The following CCN3 variants were observed in gnomAD, a reference collection of about 807,000 sequenced individuals.
CCN3 encodes the protein cellular communication network factor 3.
CCN3 carries 20 observed loss-of-function variants against 33.4 expected under a neutral mutation model. That is an observed-to-expected ratio of 0.60 (90% CI 0.42 to 0.87). The LOEUF is 0.87. Ranked by LOEUF, CCN3 falls within the 40% of genes least tolerant of loss-of-function variation. The pLI, the probability that CCN3 is intolerant of heterozygous loss-of-function variation, is 0.00. For synonymous variants in CCN3, 205 were observed against 170.4 expected, an observed-to-expected ratio of 1.20 and a Z score of -1.58; for missense variants, 465 against 455.3, an observed-to-expected ratio of 1.02 and a Z score of -0.19.
chr8:119,416,827 G>A lies in CCN3; in HGVS notation c.168G>A (p.Ala56=), dbSNP rs374270842. The A allele has an allele frequency of 1.9e-6, 3 of 1,610,724 alleles. No individual in the cohort carries two copies. The highest frequency in any genetic ancestry group is 1.1e-5 in the South Asian group (1 of 90,760). ...CGACCTGCGCCCCCGGGGTGCGCGC[G>A]GTGCTGGACGGCTGCTCATGCTGTC... ...TPPTCAPGVR[A]VLDGCSCCLV... The change falls in exon 2 of 5, where the codon GCG becomes GCA. Residue 56 remains alanine (A), a synonymous_variant. Transcript: ENST00000259526.
chr8:119,419,090 A>T, intron 3 of CCN3, 41 bp from the exon 4 acceptor site: 1 of 1,529,810 alleles, frequency 6.5e-7, no homozygotes, highest in Non-Finnish European at 9.1e-7. Flanking sequence ...CAATCCTCAC[A>T]TTGTACCTAA....
At position 119,416,824 on chromosome 8, in the gene CCN3, C is replaced by T; in HGVS notation, c.165C>T (p.Arg55=). 1 of 1,610,140 alleles carries T rather than the reference C, an allele frequency of 6.2e-7. No homozygotes were observed. The change falls in exon 2 of 5, where the codon CGC becomes CGT. Residue 55 remains arginine, a synonymous_variant. Transcript: ENST00000259526. ...ATPPTCAPGV[R]AVLDGCSCCL... ...CGCCGACCTGCGCCCCCGGGGTGCG[C>T]GCGGTGCTGGACGGCTGCTCATGCT... is the stretch of plus-strand genomic sequence containing the variant.
In CCN3 at chr8:119,423,044, G is replaced by C. The variant is rs1402089921; in HGVS notation, c.986G>C (p.Gly329Ala). 1.2e-6 allele frequency: 2 copies of C among 1,613,988 alleles called. No homozygotes were observed. The highest frequency in any genetic ancestry group is 4.5e-5 in the East Asian group (2 of 44,890). The change falls in exon 5 of 5, where the codon GGG (glycine) becomes GCG (alanine). Residue 329 changes from glycine (G) to alanine (A), a missense_variant. Gly to Ala is a moderately conservative substitution (Grantham distance 60). Transcript: ENST00000259526. ...QIVKKPVMVI[G>A]TCTCHTNCPK... ...GTCAAGAAGCCAGTGATGGTCATTG[G>C]GACCTGCACCTGTCACACCAACTGT...
chr8:119,416,681 C>T (rs1563615468), intron 1 of CCN3, 63 bp from the exon 2 acceptor site: 1 of 1,585,020 alleles, frequency 6.3e-7, no homozygotes, highest in Non-Finnish European at 8.6e-7. Context: ...CCCATTTGGT[C>T]ACCGGGCTCA....
chr8:119,422,860 A>G lies in CCN3; in HGVS notation c.802A>G (p.Lys268Glu), dbSNP rs1047554572. ...DKKGKKCLRT[K>E]KSLKAIHLQF... ...GAAAGGAAAAAAGTGTCTCCGCACC[A>G]AGAAGTCACTCAAAGCCATCCACCT... Residue 268 changes from lysine to glutamate, a missense_variant, in exon 5 of 5, where the codon AAG (lysine) becomes GAG (glutamate). Physicochemically the swap from Lys to Glu is moderately conservative, Grantham distance 56. Coordinates refer to ENST00000259526, the MANE Select transcript of CCN3 (RefSeq NM_002514.4). The G allele has an allele frequency of 5.0e-6, 8 of 1,609,466 alleles. No homozygotes were observed. Among genetic ancestry groups the G allele is most frequent in the Admixed American group, 3.4e-5 (2 of 59,526 alleles).
chr8:119,419,178 G>A lies in CCN3; in HGVS notation c.610G>A (p.Val204Ile). 6.2e-7 allele frequency: 1 copy of A among 1,614,222 alleles called. No homozygotes were observed. Among genetic ancestry groups the A allele is most frequent in the East Asian group, 2.2e-5 (1 of 44,888 alleles). Residue 204 changes from valine to isoleucine, a missense_variant, in exon 4 of 5, where the codon GTC becomes ATC. Val to Ile is a conservative substitution (Grantham distance 29). Coordinates refer to ENST00000259526, the MANE Select transcript of CCN3 (RefSeq NM_002514.4). Reference sequence around the variant, plus strand: ...AGGAGTAGAAGTCTCTGACTCAAGTGTCAACTGCATTGAACAGACCACAGA... The same window carrying A: ...AGGAGTAGAAGTCTCTGACTCAAGTATCAACTGCATTGAACAGACCACAGA... ...TLGVEVSDSSVNCIEQTTEWT... is the reference protein window; with the variant it reads ...TLGVEVSDSSINCIEQTTEWT...
Position 119,424,365 on chromosome 8 carries a change from GTATTACTTTGGTGC to G in CCN3, c.*1234_*1247del. On this transcript the variant is annotated 3_prime_UTR_variant, in exon 5 of 5. Transcript: ENST00000259526. Reference sequence around the variant, plus strand: ...CACGATTTTATTGCTGCGTGACTCTGTATTACTTTGGTGCATAAAAGTTGAACATTGTTGTTTAC... The same window carrying G: ...CACGATTTTATTGCTGCGTGACTCTGATAAAAGTTGAACATTGTTGTTTAC... 1 of 152,272 alleles carries G rather than the reference GTATTACTTTGGTGC, an allele frequency of 6.6e-6. No homozygotes were observed. Among genetic ancestry groups the G allele is most frequent in the East Asian group, 1.9e-4 (1 of 5,184 alleles). The allele number at this position is 152,272 out of a possible 1,614,324, so 9.4% of individuals were successfully genotyped here.
intron 4 of CCN3, among the ~76,000 whole-genome samples, chr8:119,422,214 GA>G (rs1587237083): frequency 6.6e-6 from 1 of 152,098 alleles, no homozygotes; most frequent in Non-Finnish European, 1.5e-5. Context: ...GAGACAGTGA[GA>G]GGGGAAGTGC....
intron 4 of CCN3, 124 bp from the exon 5 acceptor site, chr8:119,422,712 C>T: frequency 2.5e-6 from 2 of 802,380 alleles, no homozygotes; most frequent in Admixed American, 4.7e-5. Context: ...AATTAATGTT[C>T]TGATAGCAAA....
Position 119,418,171 on chromosome 8 carries a change from C to T in CCN3, c.424C>T (p.Pro142Ser). The T allele has an allele frequency of 4.3e-6, 7 of 1,614,186 alleles. No individual in the cohort carries two copies. Among genetic ancestry groups the T allele is most frequent in the Non-Finnish European group, 5.9e-6 (7 of 1,180,032 alleles). Residue 142 changes from proline to serine, a missense_variant, in exon 3 of 5, where the codon CCC becomes TCC. Coordinates refer to ENST00000259526, the MANE Select transcript of CCN3 (RefSeq NM_002514.4). ...CAGAGATGGGCAGATTGGCTGTGTG[C>T]CCCGCTGTCAGCTGGATGTGCTACT... ...TCRDGQIGCV[P>S]RCQLDVLLPE...
rs185579726 is a variant in CCN3, at chr8:119,422,043, T to C, written c.778-793T>C. ...CTGAGTAATTTATAAAGAAAAGATG[T>C]GTAATTGCCTTACAGTTACACATGG... On this transcript the variant is annotated intron_variant, in intron 4 of 4. Coordinates refer to ENST00000259526, the MANE Select transcript of CCN3 (RefSeq NM_002514.4). 1.5e-3 allele frequency among the ~76,000 whole-genome samples: 225 copies of C among 152,328 alleles called. 1 individual carries two copies. In the Middle Eastern group the frequency reaches 0.02, roughly 14 times the overall value.
intron 4 of CCN3, among the ~76,000 whole-genome samples, chr8:119,421,460 A>G (rs541115252): frequency 6.6e-6 from 1 of 152,278 alleles, no homozygotes; most frequent in Non-Finnish European, 1.5e-5. Flanking sequence ...AATCCTCTAG[A>G]TGATTTTGAT....
rs1357125774 is a variant in CCN3 at position 119,423,801 on chromosome 8, T to C, written c.*669T>C. On this transcript the variant is annotated 3_prime_UTR_variant, in exon 5 of 5. Transcript: ENST00000259526. ...TTAAGACACATTGACTCCTTTCCAA[T>C]AGAAAGAAACTAAACAGAAAACTCC... is the stretch of plus-strand genomic sequence containing the variant. 2 of 152,160 alleles carry C rather than the reference T, an allele frequency of 1.3e-5. No individual in the cohort carries two copies. Among genetic ancestry groups the C allele is most frequent in the South Asian group, 2.1e-4 (1 of 4,834 alleles). The allele number at this position is 152,160 out of a possible 1,614,324, so 9.4% of individuals were successfully genotyped here. A position where few individuals can be genotyped will look rare whatever the true frequency, so the allele number is the denominator to read the frequency against.
At chr8:119,417,934 T>A (rs1820074243) in intron 2 of CCN3, 124 bp from the exon 3 acceptor site, 1 of 968,562 alleles carries the variant, frequency 1.0e-6, no homozygotes. Context: ...CCAGATCGCC[T>A]GAACTAGAAA....
At chr8:119,418,701 C>T (rs1470525224) in intron 3 of CCN3, among the ~76,000 whole-genome samples, 2 of 152,182 alleles carry the variant, frequency 1.3e-5, no homozygotes, top group Non-Finnish European at 2.9e-5. Context: ...CATGATTAAC[C>T]TCCTTAAAGA....
At position 119,419,209 on chromosome 8, in the gene CCN3, C is replaced by T. The variant is rs1402794102; in HGVS notation, c.641C>T (p.Thr214Ile). 6.2e-7 allele frequency: 1 copy of T among 1,614,242 alleles called. No individual in the cohort carries two copies. The highest frequency in any genetic ancestry group is 8.5e-7 in the Non-Finnish European group (1 of 1,180,036). ...TGCATTGAACAGACCACAGAGTGGA[C>T]AGCATGCTCCAAGAGCTGTGGTATG... ...VNCIEQTTEW[T>I]ACSKSCGMGF... is the part of the protein sequence containing the mutation. Residue 214 changes from threonine to isoleucine, a missense_variant, in exon 4 of 5, where the codon ACA becomes ATA. Thr to Ile is a moderately conservative substitution (Grantham distance 89). Transcript: ENST00000259526.
Position 119,416,452 on chromosome 8 carries a change from C to T in CCN3, c.-81C>T, listed in dbSNP as rs1308287852. On this transcript the variant is annotated 5_prime_UTR_variant, in exon 1 of 5. Coordinates refer to ENST00000259526, the MANE Select transcript of CCN3 (RefSeq NM_002514.4). ...TGTGCTGGGCGTGATCGGCAAGCAC[C>T]GGACCAGGGGGAAGGCGAGCAGTGC... 6.5e-6 allele frequency: 9 copies of T among 1,379,296 alleles called. No homozygotes were observed. The highest frequency in any genetic ancestry group is 2.8e-5 in the African/African-American group (2 of 70,676). The allele number at this position is 1,379,296 out of a possible 1,614,324, so 85.4% of individuals were successfully genotyped here. A position where few individuals can be genotyped will look rare whatever the true frequency, so the allele number is the denominator to read the frequency against.
chr8:119,417,108 T>C (rs1820062013), intron 2 of CCN3, 139 bp downstream of exon 2: 1 of 749,896 alleles, frequency 1.3e-6, no homozygotes, highest in East Asian at 2.9e-5. Context: ...TATAGAGCAC[T>C]TACTGTGTGT....
Position 119,423,308 on chromosome 8 carries a change from T to A in CCN3, c.*176T>A, listed in dbSNP as rs1359588722. Reference sequence around the variant, plus strand: ...GTCTTTTATTTAACAAAAAATGTAATTAACTGTAAACTTGGAATCAAGGTA... The same window carrying A: ...GTCTTTTATTTAACAAAAAATGTAAATAACTGTAAACTTGGAATCAAGGTA... On this transcript the variant is annotated 3_prime_UTR_variant, in exon 5 of 5. Transcript: ENST00000259526. The A allele has an allele frequency of 1.7e-6, 1 of 582,242 alleles. No individual in the cohort carries two copies. Among genetic ancestry groups the A allele is most frequent in the Non-Finnish European group, 2.9e-6 (1 of 345,214 alleles). 36.1% of individuals were successfully genotyped at this position (582,242 alleles called of 1,614,324 possible).
Sources: gnomAD v4.1 joint callset for allele counts (sites outside exome capture counted in the v4.1 genomes callset) on GRCh38, gnomAD v4.1.1 for gene constraint, MANE v1.5 for transcripts, NCBI Gene and HGNC (gene_info 2026-07-23, HGNC 2026-07-21) for gene names.